VWA5B1: variants seen among roughly 807,000 people sequenced by gnomAD.
The protein encoded by VWA5B1 is von Willebrand factor A domain-containing protein 5B1.
VWA5B1 carries 115 observed loss-of-function variants against 118.2 expected under a neutral mutation model. The ratio of observed to expected loss-of-function variants is 0.97; its 90% CI spans 0.84 to 1.14. The LOEUF is 1.14. Among genes scored for constraint, VWA5B1 ranks in the 50% most tolerant of loss-of-function variants. The pLI is 0.00. For synonymous variants in VWA5B1, 682 were observed against 658.4 expected, an observed-to-expected ratio of 1.04 and a Z score of -0.55; for missense variants, 1,596 against 1,603.8, an observed-to-expected ratio of 1.00 and a Z score of 0.08.
chr1:20,324,184 A>G (rs1249434079), intron 8 of VWA5B1, among the ~76,000 whole-genome samples: 1 of 152,196 alleles, frequency 6.6e-6, no homozygotes, highest in East Asian at 1.9e-4. Flanking sequence ...GGCCATCTGG[A>G]AAAACAGCAG....
At chr1:20,331,007 C>A in intron 11 of VWA5B1, 24 bp downstream of exon 11, 1 of 1,519,344 alleles carries the variant, frequency 6.6e-7, no homozygotes, top group Non-Finnish European at 8.8e-7. Context: ...CCCACGCAGT[C>A]CCTTCTGGTG....
intron 9 of VWA5B1, 32 bp from the exon 10 acceptor site, chr1:20,330,148 G>A (rs1470288823): frequency 5.2e-6 from 8 of 1,550,932 alleles, no homozygotes; most frequent in South Asian, 2.4e-5. Context: ...TGTACCATAC[G>A]GTGACACTGG....
chr1:20,310,539 G>A, intron 1 of VWA5B1, 37 bp from the exon 2 acceptor site: 1 of 1,452,480 alleles, frequency 6.9e-7, no homozygotes, highest in Non-Finnish European at 9.1e-7. Context: ...ACCTGGGGGA[G>A]CCTCTTCCCA....
rs187181206 is a variant in VWA5B1 at position 20,322,797 on chromosome 1, T to C, written c.967-559T>C. On this transcript the variant is annotated intron_variant, in intron 7 of 21. Transcript: ENST00000289815. ...GGTATGTCTTCTTGTCCTCATTTAA[T>C]GGATGAGGAAACTAAGTAATTAAGT... Among the ~76,000 whole-genome samples, 68 of 152,250 alleles carry C rather than the reference T, an allele frequency of 4.5e-4. No homozygotes were observed. In the East Asian group the frequency reaches 0.011, roughly 25 times the overall value.
At chr1:20,306,092 T>G (rs955229720) in intron 1 of VWA5B1, among the ~76,000 whole-genome samples, 2 of 152,088 alleles carry the variant, frequency 1.3e-5, no homozygotes, top group African/African-American at 4.8e-5. Context: ...TGCAATGTTT[T>G]CTACATAACA....
At chr1:20,350,117 G>A in intron 18 of VWA5B1, 39 bp from the exon 19 acceptor site, 2 of 1,539,950 alleles carry the variant, frequency 1.3e-6, no homozygotes, top group Non-Finnish European at 1.8e-6. Context: ...GCGAGGAAGG[G>A]AGGGGAGAGG....
At position 20,348,194 on chromosome 1, in the gene VWA5B1, G is replaced by A. The variant is rs1031580117; in HGVS notation, c.2765-51G>A. 20 of 1,498,506 alleles carry A rather than the reference G, an allele frequency of 1.3e-5. No individual in the cohort carries two copies. In the African/African-American group the frequency reaches 2.4e-4, roughly 18 times the overall value. The allele number at this position is 1,498,506 out of a possible 1,614,324, so 92.8% of individuals were successfully genotyped here. ...CTGTCAGCTCTGGGGGAAAGGCAAAGGACTGGCACATTTGTACCCAACCAC... is the reference window on the plus strand; with the variant it reads ...CTGTCAGCTCTGGGGGAAAGGCAAAAGACTGGCACATTTGTACCCAACCAC... On this transcript the variant is annotated intron_variant, in intron 17 of 21. Coordinates refer to ENST00000289815, the MANE Select transcript of VWA5B1 (RefSeq NM_001039500.3).
At chr1:20,305,330 G>A (rs2088618012) in intron 1 of VWA5B1, among the ~76,000 whole-genome samples, 2 of 152,080 alleles carry the variant, frequency 1.3e-5, no homozygotes, top group African/African-American at 4.8e-5. Context: ...GGATCAAGGG[G>A]TAAATGCCCA....
intron 16 of VWA5B1, among the ~76,000 whole-genome samples, chr1:20,344,195 A>C (rs193085952): frequency 6.7e-6 from 1 of 149,532 alleles, no homozygotes; most frequent in African/African-American, 2.5e-5. Flanking sequence ...CCATTCAGTG[A>C]CCCGTCCTCT....
In VWA5B1 at chr1:20,338,080, T is replaced by C. The variant is rs958202698; in HGVS notation, c.2133+244T>C. ...CACACTGCCCAGTTGGCAAGGAACATTTGCATGTGCTCTTTCATTTGACTT... is the reference window on the plus strand; with the variant it reads ...CACACTGCCCAGTTGGCAAGGAACACTTGCATGTGCTCTTTCATTTGACTT... On this transcript the variant is annotated intron_variant, in intron 14 of 21. Coordinates refer to ENST00000289815, the MANE Select transcript of VWA5B1 (RefSeq NM_001039500.3). 5 of 663,274 alleles carry C rather than the reference T, an allele frequency of 7.5e-6. No homozygotes were observed. In the Admixed American group the frequency reaches 1.0e-4, roughly 14 times the overall value. 41.1% of individuals were successfully genotyped at this position (663,274 alleles called of 1,614,324 possible).
At chr1:20,323,938 C>G (rs564675683) in intron 8 of VWA5B1, among the ~76,000 whole-genome samples, 36 of 152,304 alleles carry the variant, frequency 2.4e-4, no homozygotes, top group African/African-American at 8.7e-4. Flanking sequence ...GCGTTTGATC[C>G]TATTTTTGCC....
chr1:20,307,982 A>T (rs2088713125), intron 1 of VWA5B1, among the ~76,000 whole-genome samples: 1 of 152,030 alleles, frequency 6.6e-6, no homozygotes, highest in Non-Finnish European at 1.5e-5. Context: ...TCACCCAGGT[A>T]GTTAGCACAA....
chr1:20,310,512 A>G (rs910798292), intron 1 of VWA5B1, 64 bp from the exon 2 acceptor site: 113 of 1,407,146 alleles, frequency 8.0e-5, no homozygotes, highest in Non-Finnish European at 1.0e-4. Context: ...CTGAAACGGG[A>G]AAACTAGGTT....
chr1:20,327,906 CCCTTAAG>C lies in VWA5B1; in HGVS notation c.1161_1167del (p.Leu388AlafsTer42). ...TCCTGCCAGGATGCCATGTTGGTGG[CCCTTAAG>C]AGCCTCATGCCAGCCTGCCTCTTCA... On this transcript the variant is annotated frameshift_variant, in exon 9 of 22. Transcript: ENST00000289815. LOFTEE classifies it high-confidence loss of function. The C allele has an allele frequency of 6.4e-7, 1 of 1,551,520 alleles. No homozygotes were observed. The highest frequency in any genetic ancestry group is 8.7e-7 in the Non-Finnish European group (1 of 1,146,966).
At chr1:20,350,993 T>G in intron 20 of VWA5B1, 67 bp downstream of exon 20, 1 of 1,482,218 alleles carries the variant, frequency 6.7e-7, no homozygotes, top group Non-Finnish European at 9.2e-7. Context: ...TCCCTGGGGT[T>G]TTCCCTGACT....
intron 20 of VWA5B1, among the ~76,000 whole-genome samples, chr1:20,351,703 C>A (rs1247614414): frequency 6.6e-6 from 1 of 151,982 alleles, no homozygotes; most frequent in Non-Finnish European, 1.5e-5. Context: ...TGCCTGTAGT[C>A]CAGGAGACTG....
At chr1:20,299,463 G>C (rs2088466326) in intron 1 of VWA5B1, among the ~76,000 whole-genome samples, 1 of 152,196 alleles carries the variant, frequency 6.6e-6, no homozygotes, top group Non-Finnish European at 1.5e-5. Context: ...AAGTGCAGTA[G>C]TGCGATCTTA....
chr1:20,319,805 C>T (rs767608240), intron 7 of VWA5B1, among the ~76,000 whole-genome samples: 4 of 152,244 alleles, frequency 2.6e-5, no homozygotes, highest in Admixed American at 6.5e-5. Context: ...TTGGCCTCCT[C>T]CAGGCCTCTG....
At chr1:20,308,879 C>G (rs2088753282) in intron 1 of VWA5B1, among the ~76,000 whole-genome samples, 1 of 152,194 alleles carries the variant, frequency 6.6e-6, no homozygotes, top group South Asian at 2.1e-4. Flanking sequence ...GTAGTCAGCA[C>G]TCACTGAACA....
Sources: gnomAD v4.1 joint callset for allele counts (sites outside exome capture counted in the v4.1 genomes callset) on GRCh38, gnomAD v4.1.1 for gene constraint, MANE v1.5 for transcripts, NCBI Gene and HGNC (gene_info 2026-07-23, HGNC 2026-07-21) for gene names.